Variants in KANK1 observed in about 807,000 individuals in gnomAD.
KANK1 encodes KN motif and ankyrin repeat domains 1.
KANK1 carries 109 observed loss-of-function variants against 106.2 expected under a neutral mutation model. The ratio of observed to expected loss-of-function variants is 1.03; its 90% CI spans 0.88 to 1.20. The LOEUF (loss-of-function observed/expected upper bound fraction) is 1.20. KANK1 is among the 50% of genes most tolerant of loss of function. The pLI, the probability that KANK1 is intolerant of heterozygous loss-of-function variation, is 0.00. For synonymous variants in KANK1, 873 were observed against 652.2 expected, an observed-to-expected ratio of 1.34 and a Z score of -5.16; for missense variants, 2,399 against 1,710.7, an observed-to-expected ratio of 1.40 and a Z score of -7.10.
intron 1 of KANK1, among the ~76,000 whole-genome samples, chr9:638,844 C>G (rs1563908583): frequency 1.3e-5 from 2 of 152,182 alleles, no homozygotes; most frequent in Admixed American, 6.5e-5. Flanking sequence ...TTCAATTTGA[C>G]TGTGTTACTG....
intron 3 of KANK1, among the ~76,000 whole-genome samples, chr9:499,301 CATT>C (rs1454095148): frequency 6.6e-6 from 1 of 152,090 alleles, no homozygotes; most frequent in Non-Finnish European, 1.5e-5. Context: ...TTCATAGCAG[CATT>C]ATTAATAATA....
chr9:677,925 A>C (rs946729200), intron 2 of KANK1, among the ~76,000 whole-genome samples: 1 of 152,218 alleles, frequency 6.6e-6, no homozygotes, highest in Non-Finnish European at 1.5e-5. Context: ...ATCGGTAAGT[A>C]TATCCACCTG....
intron 1 of KANK1, among the ~76,000 whole-genome samples, chr9:564,435 A>G (rs1817308256): frequency 6.6e-6 from 1 of 152,180 alleles, no homozygotes; most frequent in Admixed American, 6.5e-5. Flanking sequence ...ATACAAAACA[A>G]TCTGAACATG....
rs142861819 is a variant in KANK1, at chr9:710,963, G to A, written c.197G>A (p.Arg66Lys). 81 of 1,614,188 alleles carry A rather than the reference G, an allele frequency of 5.0e-5. No individual in the cohort carries two copies. In the African/African-American group the frequency reaches 1.0e-3, roughly 20 times the overall value. ...NTIKRLNIQK[R>K]RKPSVPCPEP... Reference sequence around the variant, plus strand: ...ATCAAAAGACTGAACATCCAGAAGAGGCGGAAGCCGTCCGTGCCATGCCCA... The same window carrying A: ...ATCAAAAGACTGAACATCCAGAAGAAGCGGAAGCCGTCCGTGCCATGCCCA... Residue 66 changes from arginine to lysine, a missense_variant, in exon 3 of 12, where the codon AGG becomes AAG. Physicochemically the swap from Arg to Lys is conservative, Grantham distance 26. Coordinates refer to ENST00000382297, the MANE Select transcript of KANK1 (RefSeq NM_015158.5).
At chr9:686,841 G>A in intron 2 of KANK1, 1 of 985,348 alleles carries the variant, frequency 1.0e-6, no homozygotes, top group Non-Finnish European at 1.2e-6. Flanking sequence ...TTGGGTGCTA[G>A]AAAACAGCAG....
chr9:622,119 A>G (rs1833283667), intron 1 of KANK1, among the ~76,000 whole-genome samples: 1 of 152,174 alleles, frequency 6.6e-6, no homozygotes, highest in Non-Finnish European at 1.5e-5. Flanking sequence ...AAGGGATGGA[A>G]GGAAAAGGGG....
intron 1 of KANK1, among the ~76,000 whole-genome samples, chr9:537,337 C>T (rs2060352946): frequency 6.6e-6 from 1 of 152,150 alleles, no homozygotes; most frequent in African/African-American, 2.4e-5. Flanking sequence ...ATACCAGTTC[C>T]TGTCTGACAG....
chr9:688,598 CA>C (rs33959316), intron 2 of KANK1, among the ~76,000 whole-genome samples: 37,889 of 108,820 alleles, frequency 0.35, 6,135 homozygotes, highest in East Asian at 0.59. Flanking sequence ...GACTCTGTCT[CA>C]AAAAAAAAAA....
intron 2 of KANK1, among the ~76,000 whole-genome samples, chr9:709,665 G>GA (rs1480659604): frequency 1.4e-5 from 2 of 146,860 alleles, no homozygotes; most frequent in Non-Finnish European, 1.5e-5. Context: ...GCCCAGGCTA[G>GA]AATGCAATGG....
intron 1 of KANK1, among the ~76,000 whole-genome samples, chr9:519,480 T>G (rs1208543724): frequency 2.0e-5 from 3 of 151,682 alleles, no homozygotes; most frequent in Non-Finnish European, 4.4e-5. Flanking sequence ...GTTTGAGAGG[T>G]CTAGTGATTT....
At chr9:629,370 G>T (rs1835133378) in intron 1 of KANK1, among the ~76,000 whole-genome samples, 1 of 152,168 alleles carries the variant, frequency 6.6e-6, no homozygotes, top group East Asian at 1.9e-4. Context: ...CACAGTGGCA[G>T]CTGCCTAACT....
At position 529,217 on chromosome 9, in the gene KANK1, G is replaced by GTT. The variant is rs200894293; in HGVS notation, c.-84+24464_-84+24465dup. ...TATTCCTCCTTCCAGAGATAACTCT[G>GTT]TTAATATATATATATATACACACAC... On this transcript the variant is annotated intron_variant, in intron 1 of 11. Transcript: ENST00000382297. Among the ~76,000 whole-genome samples, 97 of 148,694 alleles carry GTT rather than the reference G, an allele frequency of 6.5e-4. 1 individual carries two copies. The highest frequency in any genetic ancestry group is 2.3e-3 in the African/African-American group (94 of 40,168).
At chr9:546,437 T>C (rs7849630) in intron 1 of KANK1, among the ~76,000 whole-genome samples, 20,916 of 151,728 alleles carry the variant, frequency 0.14, 2,917 homozygotes, top group African/African-American at 0.37. Context: ...GAAACGCTGG[T>C]GTCTGTGACC....
At chr9:640,137 C>G (rs572993218) in intron 1 of KANK1, among the ~76,000 whole-genome samples, 1 of 152,324 alleles carries the variant, frequency 6.6e-6, no homozygotes, top group African/African-American at 2.4e-5. Flanking sequence ...ATTCCCAACT[C>G]TATGCTTCAT....
intron 1 of KANK1, among the ~76,000 whole-genome samples, chr9:638,935 G>A (rs528439222): frequency 1.9e-4 from 29 of 152,304 alleles, no homozygotes; most frequent in Middle Eastern, 3.4e-3. Flanking sequence ...GGCTGAGCAA[G>A]TGGATTTGAC....
chr9:563,406 G>A (rs748968080), intron 1 of KANK1, among the ~76,000 whole-genome samples: 2 of 152,160 alleles, frequency 1.3e-5, no homozygotes, highest in Non-Finnish European at 2.9e-5. Flanking sequence ...GTGATAGTCT[G>A]TGTCAGTTCA....
intron 7 of KANK1, among the ~76,000 whole-genome samples, chr9:736,804 C>G (rs932854510): frequency 2.6e-5 from 4 of 152,162 alleles, no homozygotes; most frequent in African/African-American, 7.2e-5. Flanking sequence ...ACTAGTAAAA[C>G]CATAAAATCT....
intron 1 of KANK1, among the ~76,000 whole-genome samples, chr9:561,105 G>A (rs919807129): frequency 1.1e-4 from 16 of 152,254 alleles, no homozygotes; most frequent in African/African-American, 3.4e-4. Context: ...GGAAATAAAT[G>A]GACTAGAAAC....
chr9:551,721 T>TA (rs975734511), intron 1 of KANK1, among the ~76,000 whole-genome samples: 2 of 152,086 alleles, frequency 1.3e-5, no homozygotes, highest in Non-Finnish European at 2.9e-5. Context: ...ATTAAAAAGA[T>TA]ACCATCGGTG....
Sources: gnomAD v4.1 joint callset for allele counts (sites outside exome capture counted in the v4.1 genomes callset) on GRCh38, gnomAD v4.1.1 for gene constraint, MANE v1.5 for transcripts, NCBI Gene and HGNC (gene_info 2026-07-23, HGNC 2026-07-21) for gene names.